Variants in CPEB3 observed in about 807,000 individuals in gnomAD.
CPEB3 encodes cytoplasmic polyadenylation element-binding protein 3.
CPEB3 carries 20 observed loss-of-function variants against 67.2 expected under a neutral mutation model. The ratio of observed to expected loss-of-function variants is 0.30; its 90% CI spans 0.21 to 0.43. The LOEUF (loss-of-function observed/expected upper bound fraction) is 0.43, where lower values mean the gene tolerates loss of function less well. Among genes scored for constraint, CPEB3 ranks in the 20% least tolerant of loss-of-function variants. The pLI, the probability that CPEB3 is intolerant of heterozygous loss-of-function variation, is 1.00. For missense variants in CPEB3, 746 were observed against 968.6 expected, an observed-to-expected ratio of 0.77 and a Z score of 3.05; for synonymous variants, 376 against 393.1, an observed-to-expected ratio of 0.96 and a Z score of 0.51.
chr10:92,131,270 C>A (rs1845831438), intron 6 of CPEB3, among the ~76,000 whole-genome samples: 1 of 152,134 alleles, frequency 6.6e-6, no homozygotes, highest in Non-Finnish European at 1.5e-5. Flanking sequence ...AGGGCACCAG[C>A]ACTAATGTAC....
At chr10:92,263,819 C>T (rs1029822542) in intron 1 of CPEB3, among the ~76,000 whole-genome samples, 10 of 152,056 alleles carry the variant, frequency 6.6e-5, no homozygotes, top group Admixed American at 4.6e-4. Flanking sequence ...GCCACTGCAC[C>T]TAGCCAGATT....
chr10:92,131,285 G>A (rs186346533), intron 6 of CPEB3, among the ~76,000 whole-genome samples: 1 of 152,300 alleles, frequency 6.6e-6, no homozygotes, highest in East Asian at 1.9e-4. Flanking sequence ...ATGTACTATA[G>A]TTCTATATTT....
chr10:92,213,111 A>C (rs1469882155), intron 2 of CPEB3, among the ~76,000 whole-genome samples: 1 of 151,908 alleles, frequency 6.6e-6, no homozygotes, highest in Non-Finnish European at 1.5e-5. Flanking sequence ...ACCAATCCCC[A>C]CCCAAATCTT....
At chr10:92,182,548 G>A (rs747054023) in intron 3 of CPEB3, among the ~76,000 whole-genome samples, 6 of 152,140 alleles carry the variant, frequency 3.9e-5, no homozygotes, top group East Asian at 1.9e-4. Context: ...AGGGAAGGCC[G>A]GGCGCAGTGG....
chr10:92,278,013 T>C lies in CPEB3; in HGVS notation c.-12+12913A>G, dbSNP rs946860874. ...GCCTGGCCAAGATGGTGAAACCCCA[T>C]CTCTACTAAAAATACAAAAAAAATT... On this transcript the variant is annotated intron_variant, in intron 1 of 9. Coordinates refer to ENST00000265997, the MANE Select transcript of CPEB3 (RefSeq NM_014912.5). 4.6e-5 allele frequency among the ~76,000 whole-genome samples: 7 copies of C among 151,022 alleles called. No homozygotes were observed. The South Asian group carries it at 6.3e-4, about 14-fold the overall frequency.
chr10:92,210,951 G>A (rs906578443), intron 2 of CPEB3, among the ~76,000 whole-genome samples: 2 of 152,180 alleles, frequency 1.3e-5, no homozygotes, highest in African/African-American at 2.4e-5. Context: ...CAGGAGAATC[G>A]CTTGAGCCTG....
At chr10:92,268,347 T>C (rs892030431) in intron 1 of CPEB3, among the ~76,000 whole-genome samples, 1 of 152,122 alleles carries the variant, frequency 6.6e-6, no homozygotes, top group African/African-American at 2.4e-5. Context: ...GTTCCTCTAG[T>C]CTGGGTGATG....
intron 2 of CPEB3, among the ~76,000 whole-genome samples, chr10:92,203,170 G>A (rs1006390932): frequency 4.6e-5 from 7 of 150,638 alleles, no homozygotes; most frequent in African/African-American, 7.3e-5. Flanking sequence ...CTTGATCTCC[G>A]GACCTCATGA....
chr10:92,187,318 C>T (rs368708587), intron 3 of CPEB3, among the ~76,000 whole-genome samples: 2 of 152,188 alleles, frequency 1.3e-5, no homozygotes, highest in African/African-American at 4.8e-5. Flanking sequence ...TAACAGTTCT[C>T]AACTGACACC....
At chr10:92,191,247 C>T (rs1457679218) in intron 3 of CPEB3, among the ~76,000 whole-genome samples, 3 of 151,798 alleles carry the variant, frequency 2.0e-5, no homozygotes, top group Admixed American at 6.6e-5. Context: ...ATTAAAAATA[C>T]AAAAACCAGC....
At chr10:92,060,414 C>G (rs545361351) in intron 9 of CPEB3, among the ~76,000 whole-genome samples, 31 of 152,134 alleles carry the variant, frequency 2.0e-4, no homozygotes, top group African/African-American at 7.5e-4. Context: ...TATGAAGCTA[C>G]TAAAGGAAAA....
intron 2 of CPEB3, chr10:92,204,410 T>C (rs1049507207): frequency 2.0e-5 from 3 of 152,262 alleles, no homozygotes; most frequent in East Asian, 3.8e-4. Flanking sequence ...AGCAGCTTTC[T>C]AGGGCTCCTC....
At chr10:92,210,897 C>A (rs1411285007) in intron 2 of CPEB3, among the ~76,000 whole-genome samples, 1 of 152,024 alleles carries the variant, frequency 6.6e-6, no homozygotes, top group African/African-American at 2.4e-5. Context: ...ATTAGCCAGG[C>A]GTGGTGGCAC....
chr10:92,122,468 T>TA (rs1275178583), intron 6 of CPEB3, among the ~76,000 whole-genome samples: 1 of 152,174 alleles, frequency 6.6e-6, no homozygotes, highest in African/African-American at 2.4e-5. Flanking sequence ...CTGGATCTCT[T>TA]ATTCATTTTC....
At chr10:92,254,999 C>T (rs1321122882) in intron 1 of CPEB3, among the ~76,000 whole-genome samples, 1 of 152,060 alleles carries the variant, frequency 6.6e-6, no homozygotes, top group Non-Finnish European at 1.5e-5. Context: ...TGAGCTGCTG[C>T]ACCCAGTTCT....
intron 4 of CPEB3, among the ~76,000 whole-genome samples, chr10:92,170,639 A>T (rs962499529): frequency 1.3e-5 from 2 of 152,188 alleles, no homozygotes; most frequent in African/African-American, 4.8e-5. Context: ...GAAGGAAAAA[A>T]AGAGAAAGAT....
intron 2 of CPEB3, chr10:92,216,539 T>C: frequency 1.2e-6 from 2 of 1,612,658 alleles, no homozygotes; most frequent in Non-Finnish European, 1.7e-6. Context: ...GGTTCAGAAA[T>C]TTGTCAACAA....
At chr10:92,270,310 C>T (rs896787572) in intron 1 of CPEB3, among the ~76,000 whole-genome samples, 2 of 152,112 alleles carry the variant, frequency 1.3e-5, no homozygotes, top group Admixed American at 6.6e-5. Flanking sequence ...TCTGGAGTAA[C>T]GTCAGCCTTA....
intron 2 of CPEB3, among the ~76,000 whole-genome samples, chr10:92,217,774 A>T (rs1467624241): frequency 6.6e-6 from 1 of 150,558 alleles, no homozygotes; most frequent in Admixed American, 6.6e-5. Context: ...AAAAAATAAT[A>T]AAAAAAAAAT....
Sources: allele counts gnomAD v4.1 joint callset (sites outside exome capture counted in the v4.1 genomes callset), GRCh38; gene constraint gnomAD v4.1.1; transcripts MANE v1.5; gene names NCBI Gene and HGNC (gene_info 2026-07-23, HGNC 2026-07-21).